Variants in LINGO2 observed in about 807,000 individuals in gnomAD.
The protein encoded by LINGO2 is leucine-rich repeat and immunoglobulin-like domain-containing nogo receptor-interacting protein 2.
LINGO2 carries 14 observed loss-of-function variants against 30.6 expected under a neutral mutation model. The observed-to-expected ratio is 0.46, with a 90% confidence interval of 0.30 to 0.72. LINGO2 has a LOEUF of 0.72. Among genes scored for constraint, LINGO2 ranks in the 30% least tolerant of loss-of-function variants. The probability of loss-of-function intolerance (pLI) is 0.07; values close to 1 mark genes in which losing one functional copy is unlikely to be tolerated. For missense variants in LINGO2, 729 were observed against 751.7 expected (o/e 0.97, Z 0.35); for synonymous variants, 317 against 288.5 (o/e 1.10, Z -1.00).
the LINGO2 span, among the ~76,000 whole-genome samples, chr9:28,994,391 A>T: frequency 2.0e-5 from 3 of 152,146 alleles, no homozygotes; most frequent in African/African-American, 7.2e-5. Context: ...ATGGAAGAAC[A>T]TTCCATGCTT....
chr9:28,435,857 C>G (rs1823900210), intron 2 of LINGO2, among the ~76,000 whole-genome samples: 1 of 152,136 alleles, frequency 6.6e-6, no homozygotes, highest in Admixed American at 6.6e-5. Flanking sequence ...ATGAACAAAA[C>G]TTGGAAAATT....
chr9:28,193,034 G>A (rs1250505493), intron 4 of LINGO2, among the ~76,000 whole-genome samples: 2 of 152,092 alleles, frequency 1.3e-5, no homozygotes, highest in Non-Finnish European at 2.9e-5. Flanking sequence ...GCTCACATTT[G>A]ATGGTTACTG....
chr9:28,420,166 A>G (rs986898985), intron 2 of LINGO2, among the ~76,000 whole-genome samples: 4 of 152,100 alleles, frequency 2.6e-5, no homozygotes, highest in African/African-American at 9.6e-5. Flanking sequence ...TATAGCTCCA[A>G]AATATCCAAA....
At chr9:28,962,001 T>C in the LINGO2 span, among the ~76,000 whole-genome samples, 2 of 152,194 alleles carry the variant, frequency 1.3e-5, no homozygotes, top group African/African-American at 4.8e-5. Context: ...TCCAAGCTCT[T>C]ATTTAATAAG....
intron 3 of LINGO2, among the ~76,000 whole-genome samples, chr9:28,353,712 A>G (rs1587524485): frequency 6.6e-6 from 1 of 152,176 alleles, no homozygotes; most frequent in Non-Finnish European, 1.5e-5. Flanking sequence ...ACGTATGTTT[A>G]TTGCGGCACT....
chr9:28,454,584 T>TTA (rs771885246), intron 2 of LINGO2, among the ~76,000 whole-genome samples: 39 of 151,766 alleles, frequency 2.6e-4, no homozygotes, highest in African/African-American at 6.5e-4. Context: ...CATATACATA[T>TTA]TATATATATA....
intron 1 of LINGO2, among the ~76,000 whole-genome samples, chr9:28,567,968 C>T (rs955529063): frequency 6.6e-6 from 1 of 151,972 alleles, no homozygotes; most frequent in Non-Finnish European, 1.5e-5. Flanking sequence ...CTTCCCATCC[C>T]ACAAAATAAA....
chr9:28,506,827 C>T (rs1468096154), intron 1 of LINGO2, among the ~76,000 whole-genome samples: 1 of 151,688 alleles, frequency 6.6e-6, no homozygotes, highest in African/African-American at 2.4e-5. Context: ...CCATGTTGGT[C>T]ACTTGCAAAG....
the LINGO2 span, among the ~76,000 whole-genome samples, chr9:28,873,701 G>GA: frequency 6.6e-6 from 1 of 152,060 alleles, no homozygotes; most frequent in Admixed American, 6.6e-5. Flanking sequence ...TATAATTGCA[G>GA]AAAAAGACTA....
At chr9:28,463,488 G>T (rs767916381) in intron 2 of LINGO2, among the ~76,000 whole-genome samples, 38 of 151,984 alleles carry the variant, frequency 2.5e-4, no homozygotes, top group Non-Finnish European at 4.6e-4. Flanking sequence ...GGTATACTAG[G>T]ACTTTTCATT....
At chr9:28,018,784 A>G (rs1275535101) in intron 4 of LINGO2, among the ~76,000 whole-genome samples, 1 of 152,172 alleles carries the variant, frequency 6.6e-6, no homozygotes, top group African/African-American at 2.4e-5. Context: ...CAGTGTGGTG[A>G]TTTCTCAAGG....
intron 3 of LINGO2, among the ~76,000 whole-genome samples, chr9:28,342,342 A>G (rs1370707357): frequency 1.3e-5 from 2 of 152,164 alleles, no homozygotes; most frequent in African/African-American, 4.8e-5. Context: ...ACATATAGAC[A>G]GAAAAGAAAT....
intron 1 of LINGO2, among the ~76,000 whole-genome samples, chr9:28,566,879 C>T (rs1226760900): frequency 6.6e-6 from 1 of 152,098 alleles, no homozygotes; most frequent in Non-Finnish European, 1.5e-5. Context: ...CTCGTTGTTG[C>T]CAACACTTAA....
intron 4 of LINGO2, among the ~76,000 whole-genome samples, chr9:28,122,304 T>C (rs549189901): frequency 1.2e-4 from 18 of 152,300 alleles, no homozygotes; most frequent in African/African-American, 4.3e-4. Flanking sequence ...TTTAAAATAT[T>C]ATTTAAATGT....
the LINGO2 span, among the ~76,000 whole-genome samples, chr9:29,058,349 A>G: frequency 6.6e-6 from 1 of 152,046 alleles, no homozygotes; most frequent in Non-Finnish European, 1.5e-5. Context: ...AGTGCTGAGG[A>G]AGAAAATGTT....
chr9:28,150,577 C>T (rs1013214374), intron 4 of LINGO2, among the ~76,000 whole-genome samples: 25 of 152,130 alleles, frequency 1.6e-4, no homozygotes, highest in African/African-American at 5.6e-4. Flanking sequence ...AGCAAGATTC[C>T]GTCCTGAAAC....
At chr9:29,137,637 C>T in the LINGO2 span, among the ~76,000 whole-genome samples, 1 of 152,244 alleles carries the variant, frequency 6.6e-6, no homozygotes, top group Non-Finnish European at 1.5e-5. Flanking sequence ...TAATAAAAGA[C>T]TTAAGGGCAT....
intron 5 of LINGO2, among the ~76,000 whole-genome samples, chr9:28,003,672 A>G (rs1822103599): frequency 6.6e-6 from 1 of 152,184 alleles, no homozygotes; most frequent in Non-Finnish European, 1.5e-5. Flanking sequence ...CATGTTAGCC[A>G]GGATGGTCTC....
chr9:28,221,159 C>T lies in LINGO2; in HGVS notation c.-87+74049G>A, dbSNP rs182433694. Among the ~76,000 whole-genome samples the T allele has an allele frequency of 2.6e-3, 387 of 151,738 alleles. 4 individuals carry two copies. Among genetic ancestry groups the T allele is most frequent in the African/African-American group, 8.9e-3 (367 of 41,394 alleles). ...ATAAAAATAGAAAAAATTAGCCGGG[C>T]GTGGTGGCGGGCGCCTGTAAGGTCC... On this transcript the variant is annotated intron_variant, in intron 4 of 5. Coordinates refer to ENST00000379992, the Ensembl canonical transcript of LINGO2.
Sources: gnomAD v4.1 joint callset for allele counts (sites outside exome capture counted in the v4.1 genomes callset) on GRCh38, gnomAD v4.1.1 for gene constraint, MANE v1.5 for transcripts, NCBI Gene and HGNC (gene_info 2026-07-23, HGNC 2026-07-21) for gene names.